WDR70: variants seen among roughly 807,000 people sequenced by gnomAD.
WDR70 encodes the protein WD repeat-containing protein 70.
Under a neutral mutation model 88.6 loss-of-function variants are expected in WDR70, and 53 were observed. The ratio of observed to expected loss-of-function variants is 0.60; its 90% CI spans 0.48 to 0.75. The LOEUF (loss-of-function observed/expected upper bound fraction) is 0.75, where lower values mean the gene tolerates loss of function less well. Among genes scored for constraint, WDR70 ranks in the 30% least tolerant of loss-of-function variants. The pLI, the probability that WDR70 is intolerant of heterozygous loss-of-function variation, is 0.00. For synonymous variants in WDR70, 280 were observed against 270.0 expected, an observed-to-expected ratio of 1.04 and a Z score of -0.36; for missense variants, 610 against 823.2, an observed-to-expected ratio of 0.74 and a Z score of 3.17.
At chr5:37,548,777 T>G (rs1394844192) in intron 9 of WDR70, among the ~76,000 whole-genome samples, 1 of 152,242 alleles carries the variant, frequency 6.6e-6, no homozygotes, top group Admixed American at 6.5e-5. Context: ...TAGTTTGAGC[T>G]GTTAGATTTA....
chr5:37,426,874 G>A (rs1046885038), intron 5 of WDR70, among the ~76,000 whole-genome samples: 2 of 151,218 alleles, frequency 1.3e-5, no homozygotes, highest in African/African-American at 4.9e-5. Context: ...GACCTTCCAG[G>A]CTCAAATGAT....
chr5:37,732,652 T>G (rs1430053153), intron 17 of WDR70, among the ~76,000 whole-genome samples: 1 of 152,154 alleles, frequency 6.6e-6, no homozygotes, highest in Non-Finnish European at 1.5e-5. Context: ...CTTAAAACCC[T>G]GTTTCTTGTG....
intron 9 of WDR70, among the ~76,000 whole-genome samples, chr5:37,571,928 G>C (rs548336160): frequency 2.0e-4 from 30 of 152,020 alleles, no homozygotes; most frequent in African/African-American, 5.6e-4. Context: ...AAGCTGAGGG[G>C]TATTAAGATC....
chr5:37,528,698 T>C lies in WDR70; in HGVS notation c.917+12108T>C, dbSNP rs568865274. Among the ~76,000 whole-genome samples, 55 of 152,330 alleles carry C rather than the reference T, an allele frequency of 3.6e-4. 1 individual carries two copies. Among genetic ancestry groups the C allele is most frequent in the Non-Finnish European group, 8.8e-5 (6 of 68,024 alleles). ...TTGTTTTTCTTATTTGATTTCCTTGTAGATTCTAGGTATTAGTCCTTTATC... is the reference window on the plus strand; with the variant it reads ...TTGTTTTTCTTATTTGATTTCCTTGCAGATTCTAGGTATTAGTCCTTTATC... On this transcript the variant is annotated intron_variant, in intron 9 of 17. Transcript: ENST00000265107.
chr5:37,653,198 C>T (rs1018385447), intron 10 of WDR70, among the ~76,000 whole-genome samples: 1 of 152,068 alleles, frequency 6.6e-6, no homozygotes, highest in Non-Finnish European at 1.5e-5. Context: ...CTGAGATAAT[C>T]ATGTGTTTTT....
At chr5:37,631,905 C>T (rs571716400) in intron 10 of WDR70, among the ~76,000 whole-genome samples, 5 of 152,240 alleles carry the variant, frequency 3.3e-5, no homozygotes, top group South Asian at 2.1e-4. Context: ...CCAGCAGAGC[C>T]GGGTGAGTGG....
intron 9 of WDR70, among the ~76,000 whole-genome samples, chr5:37,554,630 G>A (rs1279186989): frequency 6.6e-6 from 1 of 150,686 alleles, no homozygotes; most frequent in Non-Finnish European, 1.5e-5. Flanking sequence ...TACCTTTTAG[G>A]CTAACAGACA....
chr5:37,397,091 C>G (rs985130595), intron 5 of WDR70, among the ~76,000 whole-genome samples: 1 of 151,112 alleles, frequency 6.6e-6, no homozygotes, highest in Admixed American at 6.6e-5. Flanking sequence ...GCAGTGAGGT[C>G]GACAGATGGC....
At chr5:37,481,753 C>G (rs897700523) in intron 8 of WDR70, among the ~76,000 whole-genome samples, 4 of 152,200 alleles carry the variant, frequency 2.6e-5, no homozygotes, top group African/African-American at 7.2e-5. Context: ...CCAGTTTCCT[C>G]AGAAAATAGA....
intron 8 of WDR70, among the ~76,000 whole-genome samples, chr5:37,497,316 TCCTTC>T (rs1363850378): frequency 1.5e-5 from 2 of 134,368 alleles, no homozygotes; most frequent in African/African-American, 2.8e-5. Context: ...CCCTTCCCTT[TCCTTC>T]CCTTCCCTTC....
At position 37,582,827 on chromosome 5, in the gene WDR70, A is replaced by G. The variant is rs556821450; in HGVS notation, c.918-22237A>G. 2.0e-5 allele frequency among the ~76,000 whole-genome samples: 3 copies of G among 152,364 alleles called. No homozygotes were observed. The East Asian group carries it at 5.8e-4, about 29-fold the overall frequency. On this transcript the variant is annotated intron_variant, in intron 9 of 17. Coordinates refer to ENST00000265107, the MANE Select transcript of WDR70 (RefSeq NM_018034.4). ...AAGGTCTTAAGTAACTGGAAAACATATGGAGAGTATGCCAAGTTTCATCTT... is the reference window on the plus strand; with the variant it reads ...AAGGTCTTAAGTAACTGGAAAACATGTGGAGAGTATGCCAAGTTTCATCTT...
chr5:37,719,359 C>CCCA (rs141634543), intron 13 of WDR70, among the ~76,000 whole-genome samples: 6 of 147,728 alleles, frequency 4.1e-5, no homozygotes, highest in African/African-American at 1.5e-4. Context: ...ACCCCCCCCC[C>CCCA]AAAAAATACC....
At chr5:37,473,280 A>C (rs550400417) in intron 7 of WDR70, among the ~76,000 whole-genome samples, 2 of 150,972 alleles carry the variant, frequency 1.3e-5, no homozygotes, top group South Asian at 4.2e-4. Context: ...ACGTACACAC[A>C]CAGCAATAAT....
intron 9 of WDR70, among the ~76,000 whole-genome samples, chr5:37,521,740 A>ACACACACACACACACC (rs57080738): frequency 1.5e-5 from 2 of 131,160 alleles, no homozygotes; most frequent in African/African-American, 5.8e-5. Flanking sequence ...ACACACACAC[A>ACACACACACACACACC]CCCACATGTT....
At chr5:37,735,737 C>T (rs1293695187) in intron 17 of WDR70, among the ~76,000 whole-genome samples, 3 of 152,108 alleles carry the variant, frequency 2.0e-5, no homozygotes, top group South Asian at 2.1e-4. Flanking sequence ...AGGATCTTTT[C>T]GTAAAGGTCA....
chr5:37,476,667 CAGCCTCCCAAGT>C (rs1382739811), intron 7 of WDR70, among the ~76,000 whole-genome samples: 2 of 152,078 alleles, frequency 1.3e-5, no homozygotes, highest in African/African-American at 2.4e-5. Flanking sequence ...TCTCCTGCCT[CAGCCTCCCAAGT>C]AGCTGGGACT....
chr5:37,674,677 G>A (rs1746143560), intron 10 of WDR70, among the ~76,000 whole-genome samples: 1 of 152,188 alleles, frequency 6.6e-6, no homozygotes. Flanking sequence ...ATTGTGAATA[G>A]TCCCGCAATA....
intron 10 of WDR70, among the ~76,000 whole-genome samples, chr5:37,633,653 A>G (rs971349100): frequency 2.6e-4 from 40 of 152,158 alleles, no homozygotes; most frequent in African/African-American, 8.9e-4. Flanking sequence ...CTTCCCACAC[A>G]TGAAATATGT....
chr5:37,504,339 A>T (rs1740495155), intron 8 of WDR70, among the ~76,000 whole-genome samples: 1 of 151,474 alleles, frequency 6.6e-6, no homozygotes, highest in Non-Finnish European at 1.5e-5. Flanking sequence ...TGATTACTGT[A>T]GCTTTTTTTC....
Sources: gnomAD v4.1 joint callset for allele counts (sites outside exome capture counted in the v4.1 genomes callset) on GRCh38, gnomAD v4.1.1 for gene constraint, MANE v1.5 for transcripts, NCBI Gene and HGNC (gene_info 2026-07-23, HGNC 2026-07-21) for gene names.